The following MYT1L variants were observed in gnomAD, a reference collection of about 807,000 sequenced individuals.
The protein encoded by MYT1L is myelin transcription factor 1 like.
MYT1L carries 12 observed loss-of-function variants against 126.7 expected under a neutral mutation model. That is an observed-to-expected ratio of 0.09 (90% CI 0.06 to 0.15). The LOEUF is 0.15. Among genes scored for constraint, MYT1L ranks in the 10% least tolerant of loss-of-function variants. MYT1L has a pLI of 1.00. For synonymous variants in MYT1L, 541 were observed against 604.2 expected (o/e 0.90, Z 1.53); for missense variants, 979 against 1,585.2 (o/e 0.62, Z 6.49).
intron 3 of MYT1L, among the ~76,000 whole-genome samples, chr2:2,061,717 G>A (rs1390808184): frequency 1.3e-5 from 2 of 152,112 alleles, no homozygotes; most frequent in East Asian, 1.9e-4. Flanking sequence ...TGGACCCTGA[G>A]AGATTCTGCA....
At chr2:2,131,067 T>C (rs935685138) in intron 3 of MYT1L, among the ~76,000 whole-genome samples, 1 of 152,182 alleles carries the variant, frequency 6.6e-6, no homozygotes, top group East Asian at 1.9e-4. Flanking sequence ...CGATACCTTA[T>C]GGAAGTAGAG....
intron 3 of MYT1L, among the ~76,000 whole-genome samples, chr2:2,067,998 T>C (rs940214494): frequency 1.3e-4 from 20 of 152,162 alleles, no homozygotes; most frequent in African/African-American, 4.8e-4. Flanking sequence ...ACAATGTTTT[T>C]TGAAGTCTGA....
chr2:2,209,871 C>T (rs2093443376), intron 2 of MYT1L, among the ~76,000 whole-genome samples: 1 of 152,136 alleles, frequency 6.6e-6, no homozygotes, highest in African/African-American at 2.4e-5. Flanking sequence ...TGAGGAATCT[C>T]CAACCTGTTC....
In MYT1L at chr2:2,059,038, A is replaced by T. The variant is rs2070018198; in HGVS notation, c.-303-4915T>A. On this transcript the variant is annotated intron_variant, in intron 3 of 24. Coordinates refer to ENST00000647738, the MANE Select transcript of MYT1L (RefSeq NM_001303052.2). The surrounding 1 kb of genome is among the most constrained non-coding windows in gnomAD (Gnocchi z 4.7). ...GTGTGACTGCAGTTTATATAAACTC[A>T]AGGACAATTGGGTCATGTCTGCTGT... Among the ~76,000 whole-genome samples the T allele has an allele frequency of 6.6e-6, 1 of 152,256 alleles. No homozygotes were observed. The highest frequency in any genetic ancestry group is 1.5e-5 in the Non-Finnish European group (1 of 68,046).
chr2:1,813,976 G>A (rs1478599065), intron 21 of MYT1L, among the ~76,000 whole-genome samples: 9 of 135,292 alleles, frequency 6.7e-5, no homozygotes, highest in Non-Finnish European at 1.4e-4. Context: ...GCAGTGAGCC[G>A]AGATCGCGCC....
At chr2:1,866,577 G>A (rs1412850357) in intron 18 of MYT1L, among the ~76,000 whole-genome samples, 1 of 137,486 alleles carries the variant, frequency 7.3e-6, no homozygotes, top group Non-Finnish European at 1.6e-5. Context: ...GGGAGAGAGA[G>A]AGAGGCAGGC....
rs576718279 is a variant in MYT1L, at chr2:1,793,043, G to T, written c.3277-579C>A. Among the ~76,000 whole-genome samples, 6 of 152,146 alleles carry T rather than the reference G, an allele frequency of 3.9e-5. No individual in the cohort carries two copies. In the South Asian group the frequency reaches 1.0e-3, roughly 26 times the overall value. ...CCTGATGGGACTGCAGTGTGTAGGG[G>T]GCTTGATGCGAATACTTCTCCTTTC... On this transcript the variant is annotated intron_variant, in intron 23 of 24. Coordinates refer to ENST00000647738, the MANE Select transcript of MYT1L (RefSeq NM_001303052.2). The surrounding 1 kb of genome is among the most constrained non-coding windows in gnomAD (Gnocchi z 4.6).
chr2:2,267,250 G>A (rs2095154340), intron 2 of MYT1L, among the ~76,000 whole-genome samples: 1 of 152,064 alleles, frequency 6.6e-6, no homozygotes, highest in Admixed American at 6.5e-5. Context: ...ATGGCACGTG[G>A]GGCAGACTTT....
chr2:2,112,678 G>A (rs988710766), intron 3 of MYT1L, among the ~76,000 whole-genome samples: 5 of 152,092 alleles, frequency 3.3e-5, no homozygotes, highest in African/African-American at 1.2e-4. Context: ...TGATGACCCC[G>A]GACCACACTG....
At chr2:2,285,003 A>C (rs979296260) in intron 1 of MYT1L, among the ~76,000 whole-genome samples, 1 of 152,210 alleles carries the variant, frequency 6.6e-6, no homozygotes, top group East Asian at 1.9e-4. Flanking sequence ...GGTGTGAGCC[A>C]CTGCGCCTGG....
At chr2:2,000,644 T>C (rs2062276058) in intron 4 of MYT1L, among the ~76,000 whole-genome samples, 2 of 152,304 alleles carry the variant, frequency 1.3e-5, no homozygotes, top group South Asian at 2.1e-4. Flanking sequence ...GTTGTTTATT[T>C]TGGGTTTCTT....
At chr2:2,319,520 A>G (rs2096124188) in intron 1 of MYT1L, 1 of 152,172 alleles carries the variant, frequency 6.6e-6, no homozygotes, top group Admixed American at 6.5e-5. Context: ...TAAGAAGTCA[A>G]TACACTGAAA....
chr2:1,963,418 C>T (rs745472077), intron 8 of MYT1L, among the ~76,000 whole-genome samples: 9 of 152,208 alleles, frequency 5.9e-5, no homozygotes, highest in Non-Finnish European at 1.3e-4. Flanking sequence ...GCATAAGCTT[C>T]AGTTTAAAGT....
chr2:1,849,029 A>C lies in MYT1L; in HGVS notation c.2774+2612T>G, dbSNP rs569186976. Among the ~76,000 whole-genome samples, 6 of 152,314 alleles carry C rather than the reference A, an allele frequency of 3.9e-5. No homozygotes were observed. In the South Asian group the frequency reaches 1.2e-3, roughly 32 times the overall value. ...TACTCCAGGCATAGATGGTAGCTTA[A>C]ATTTGAGCTTAGATTTTAATCATGG... is the stretch of plus-strand genomic sequence containing the variant. On this transcript the variant is annotated intron_variant, in intron 19 of 24. Coordinates refer to ENST00000647738, the MANE Select transcript of MYT1L (RefSeq NM_001303052.2).
intron 3 of MYT1L, among the ~76,000 whole-genome samples, chr2:2,136,884 A>T (rs1475197952): frequency 6.6e-6 from 1 of 152,236 alleles, no homozygotes; most frequent in Non-Finnish European, 1.5e-5. Context: ...AATCAGGAAA[A>T]GAGGAAGTCA....
intron 21 of MYT1L, among the ~76,000 whole-genome samples, chr2:1,823,575 C>G (rs578220921): frequency 2.0e-5 from 3 of 152,012 alleles, no homozygotes; most frequent in Non-Finnish European, 4.4e-5. Context: ...GAAGCAGTGA[C>G]GAGGCTGGGT....
At chr2:2,199,732 CCTT>C (rs1033751773) in intron 2 of MYT1L, among the ~76,000 whole-genome samples, 3 of 152,178 alleles carry the variant, frequency 2.0e-5, no homozygotes, top group Non-Finnish European at 2.9e-5. Context: ...GGCCCAGCTA[CCTT>C]CTTCTCTCTG....
chr2:2,070,026 C>G (rs2074400536), intron 3 of MYT1L, among the ~76,000 whole-genome samples: 1 of 151,556 alleles, frequency 6.6e-6, no homozygotes, highest in Non-Finnish European at 1.5e-5. Context: ...AGAAAGGCAA[C>G]TCAAAACCAT....
Position 1,922,956 on chromosome 2 carries a change from T to A in MYT1L, c.813A>T (p.Gly271=), listed in dbSNP as rs1445195364. The change falls in exon 10 of 25, where the codon GGA becomes GGT. Residue 271 remains glycine, a synonymous_variant. Coordinates refer to ENST00000647738, the MANE Select transcript of MYT1L (RefSeq NM_001303052.2). This position sits in a 1 kb window ranked among gnomAD's most constrained non-coding sequence, Gnocchi z 7.4. ...TVDSLKLLAQ[G]HGVVLSENMN... The stretch of plus-strand genomic sequence containing the variant: ...TGTTTTCTGAGAGCACAACACCGTG[T>A]CCTTGGGCTAATAGTTTAAGGGAGT... 17 of 1,613,944 alleles carry A rather than the reference T, an allele frequency of 1.1e-5. No homozygotes were observed. In the African/African-American group the frequency reaches 1.2e-4, roughly 11 times the overall value.
Sources: gnomAD v4.1 joint callset for allele counts (sites outside exome capture counted in the v4.1 genomes callset) on GRCh38, gnomAD v4.1.1 for gene constraint, Gnocchi (gnomAD v3.1) non-coding constraint, MANE v1.5 for transcripts, NCBI Gene and HGNC (gene_info 2026-07-23, HGNC 2026-07-21) for gene names.